AGPS: variants seen among roughly 807,000 people sequenced by gnomAD.
The protein encoded by AGPS is alkyldihydroxyacetonephosphate synthase, peroxisomal.
Under a neutral mutation model 90.7 loss-of-function variants are expected in AGPS, and 26 were observed. That is an observed-to-expected ratio of 0.29 (90% CI 0.21 to 0.40). AGPS has a LOEUF of 0.40. Among genes scored for constraint, AGPS ranks in the 10% least tolerant of loss-of-function variants. The pLI is 1.00. For synonymous variants in AGPS, 294 were observed against 285.3 expected (o/e 1.03, Z -0.31); for missense variants, 540 against 816.1 (o/e 0.66, Z 4.12).
rs1217904921 is a variant in AGPS at position 177,493,233 on chromosome 2, TA to T, written c.1285+35del. 1.9e-6 allele frequency: 3 copies of T among 1,564,632 alleles called. No individual in the cohort carries two copies. The African/African-American group carries it at 4.1e-5, about 21-fold the overall frequency. On this transcript the variant is annotated intron_variant, in intron 12 of 19. Transcript: ENST00000264167. ...GGAGTGGTAATTTTAAAATGTCATT[TA>T]GCCACAGAAATTTATGAAACATCAG...
chr2:177,439,496 G>A (rs903061891), intron 5 of AGPS, among the ~76,000 whole-genome samples: 7 of 152,082 alleles, frequency 4.6e-5, no homozygotes, highest in Non-Finnish European at 8.8e-5. Context: ...ATTAATTAAT[G>A]AGTATTCTAT....
chr2:177,407,383 G>C, intron 1 of AGPS, among the ~76,000 whole-genome samples: 1 of 152,178 alleles, frequency 6.6e-6, no homozygotes, highest in East Asian at 1.9e-4. Flanking sequence ...ATTAATTCAC[G>C]GTTCTGCAGG....
At chr2:177,425,814 C>T (rs1368746394) in intron 2 of AGPS, among the ~76,000 whole-genome samples, 2 of 151,884 alleles carry the variant, frequency 1.3e-5, no homozygotes, top group African/African-American at 2.4e-5. Context: ...ATAGTTGGAA[C>T]TTGGGTAGTG....
chr2:177,392,956 A>G lies in AGPS; in HGVS notation c.167A>G (p.Asn56Ser), dbSNP rs1209911493. 4 of 1,550,054 alleles carry G rather than the reference A, an allele frequency of 2.6e-6. No individual in the cohort carries two copies. Among genetic ancestry groups the G allele is most frequent in the South Asian group, 1.2e-5 (1 of 84,044 alleles). Residue 56 changes from asparagine (N) to serine (S), a missense_variant, in exon 1 of 20, where the codon AAT (asparagine) becomes AGT (serine). Around this residue, in one of 2 missense-constraint regions of AGPS, gnomAD observed 135 missense variants for 124.0 expected, o/e 1.09. Transcript: ENST00000264167. ...LGRPREALST[N>S]ECKARRAASA... ...CGGCCCCGGGAGGCTCTGAGTACCA[A>G]TGAGTGCAAAGCGCGGAGAGCCGCG...
chr2:177,449,998 T>C lies in AGPS; in HGVS notation c.870+4372T>C, dbSNP rs183058876. On this transcript the variant is annotated intron_variant, in intron 8 of 19. Transcript: ENST00000264167. ...GACTACAGGCGCCCACCACCATGCC[T>C]GGCTAATTTTTTGTATTTTTAGTAG... Among the ~76,000 whole-genome samples the C allele has an allele frequency of 6.8e-3, 1,031 of 152,058 alleles. 11 individuals carry two copies. The highest frequency in any genetic ancestry group is 0.024 in the African/African-American group (979 of 41,470).
chr2:177,422,723 C>A (rs1685974701), intron 2 of AGPS, among the ~76,000 whole-genome samples: 1 of 152,152 alleles, frequency 6.6e-6, no homozygotes, highest in South Asian at 2.1e-4. Context: ...ATTCAATTCC[C>A]ATTTTGGTGG....
At chr2:177,426,561 T>C (rs147214116) in intron 2 of AGPS, among the ~76,000 whole-genome samples, 2 of 152,334 alleles carry the variant, frequency 1.3e-5, no homozygotes, top group African/African-American at 2.4e-5. Context: ...TTTTGAAGTA[T>C]GGTCCTTCAA....
intron 11 of AGPS, among the ~76,000 whole-genome samples, chr2:177,483,281 T>TACTCACATATATATATCATTC (rs1688000499): frequency 6.6e-6 from 1 of 152,224 alleles, no homozygotes; most frequent in Non-Finnish European, 1.5e-5. Context: ...ATACATTATT[T>TACTCACATATATATATCATTC]ACTCACATAT....
At position 177,539,895 on chromosome 2, in the gene AGPS, C is replaced by G. The variant is rs1019045037; in HGVS notation, c.*1700C>G. On this transcript the variant is annotated 3_prime_UTR_variant, in exon 20 of 20. Coordinates refer to ENST00000264167, the MANE Select transcript of AGPS (RefSeq NM_003659.4). ...TTGCTTTAAGCCCTTGATATTTGAC[C>G]TAGTTGGACACTTGATGAGGAAGTT... is the stretch of plus-strand genomic sequence containing the variant. The G allele has an allele frequency of 2.6e-5, 4 of 151,168 alleles. No homozygotes were observed. Among genetic ancestry groups the G allele is most frequent in the African/African-American group, 7.3e-5 (3 of 40,986 alleles). The allele number at this position is 151,168 out of a possible 1,614,324, so 9.4% of individuals were successfully genotyped here.
At chr2:177,521,901 T>C (rs1689206478) in intron 18 of AGPS, among the ~76,000 whole-genome samples, 1 of 152,238 alleles carries the variant, frequency 6.6e-6, no homozygotes, top group Non-Finnish European at 1.5e-5. Flanking sequence ...TTTCTCCTTA[T>C]GAGTACGCCT....
chr2:177,411,505 G>C (rs938191736), intron 1 of AGPS, among the ~76,000 whole-genome samples: 8 of 152,184 alleles, frequency 5.3e-5, no homozygotes, highest in Non-Finnish European at 1.0e-4. Flanking sequence ...GCTGGCCTGT[G>C]GGGAATTGTT....
intron 8 of AGPS, among the ~76,000 whole-genome samples, chr2:177,458,316 C>G (rs568561539): frequency 5.9e-5 from 9 of 152,186 alleles, no homozygotes; most frequent in Admixed American, 1.3e-4. Context: ...TCCTATTCAA[C>G]ATGGTATTGG....
chr2:177,437,653 C>T (rs1686454647), intron 5 of AGPS, among the ~76,000 whole-genome samples: 1 of 152,124 alleles, frequency 6.6e-6, no homozygotes, highest in African/African-American at 2.4e-5. Flanking sequence ...TAATTTAAAG[C>T]AAGATGGGTA....
At chr2:177,435,598 C>T (rs1686381465) in intron 3 of AGPS, among the ~76,000 whole-genome samples, 1 of 151,996 alleles carries the variant, frequency 6.6e-6, no homozygotes, top group South Asian at 2.1e-4. Flanking sequence ...GTTTAACTCA[C>T]TGTTGTATCA....
At chr2:177,461,137 A>G (rs1165639998) in intron 8 of AGPS, among the ~76,000 whole-genome samples, 1 of 152,208 alleles carries the variant, frequency 6.6e-6, no homozygotes, top group Admixed American at 6.5e-5. Context: ...GCGGGTATGC[A>G]GATGGTGGTG....
At chr2:177,519,541 T>G (rs73976751) in intron 17 of AGPS, among the ~76,000 whole-genome samples, 1,846 of 152,338 alleles carry the variant, frequency 0.012, 44 homozygotes, top group African/African-American at 0.042. Flanking sequence ...GCATTTAAAT[T>G]ATCTGTGTAG....
At chr2:177,518,250 A>G (rs978264611) in intron 17 of AGPS, among the ~76,000 whole-genome samples, 5 of 152,186 alleles carry the variant, frequency 3.3e-5, no homozygotes, top group Admixed American at 2.0e-4. Context: ...CCTGGCCAAC[A>G]TGATGAAACC....
intron 1 of AGPS, among the ~76,000 whole-genome samples, chr2:177,406,505 A>G (rs1431931802): frequency 6.6e-6 from 1 of 152,232 alleles, no homozygotes; most frequent in Non-Finnish European, 1.5e-5. Flanking sequence ...GACAGGGGAT[A>G]TATACAGGAA....
intron 10 of AGPS, 69 bp downstream of exon 10, chr2:177,468,593 A>T: frequency 9.2e-7 from 1 of 1,082,414 alleles, no homozygotes; most frequent in Non-Finnish European, 1.4e-6. Context: ...AAATCTTTAT[A>T]TTGTGACATC....
Sources: gnomAD v4.1 joint callset for allele counts (sites outside exome capture counted in the v4.1 genomes callset) on GRCh38, gnomAD v4.1.1 for gene constraint, gnomAD v4.1.1 regional missense constraint, MANE v1.5 for transcripts, NCBI Gene and HGNC (gene_info 2026-07-23, HGNC 2026-07-21) for gene names.